RSPO4: variants seen among roughly 807,000 people sequenced by gnomAD.
The protein encoded by RSPO4 is R-spondin 4, also known as R-spondin-4.
A neutral mutation model predicts 24.8 loss-of-function variants in RSPO4; 23 were observed. The ratio of observed to expected loss-of-function variants is 0.93; its 90% confidence interval spans 0.67 to 1.31. RSPO4 has a LOEUF of 1.31. RSPO4 is among the 40% of genes most tolerant of loss of function. The pLI, the probability that RSPO4 is intolerant of heterozygous loss-of-function variation, is 0.00. For synonymous variants in RSPO4, 141 were observed against 127.4 expected, an observed-to-expected ratio of 1.11 and a Z score of -0.72; for missense variants, 333 against 316.5, an observed-to-expected ratio of 1.05 and a Z score of -0.39.
intron 3 of RSPO4, among the ~76,000 whole-genome samples, chr20:964,868 C>T (rs1303231601): frequency 6.7e-6 from 1 of 148,298 alleles, no homozygotes; most frequent in Non-Finnish European, 1.5e-5. Flanking sequence ...TTTTAAAAGT[C>T]CATGAGAAGT....
intron 4 of RSPO4, 130 bp downstream of exon 4, chr20:963,805 C>T: frequency 2.1e-6 from 2 of 940,442 alleles, no homozygotes; most frequent in Admixed American, 1.9e-5. Flanking sequence ...GTGTACTCCA[C>T]ATGATAGTAT....
At chr20:973,751 GC>G (rs1984481564) in intron 1 of RSPO4, among the ~76,000 whole-genome samples, 3 of 152,258 alleles carry the variant, frequency 2.0e-5, no homozygotes, top group Admixed American at 2.0e-4. Context: ...AACCCAACAA[GC>G]CCCTCCCAGG....
At chr20:977,500 C>T (rs553747208) in intron 1 of RSPO4, among the ~76,000 whole-genome samples, 2 of 152,280 alleles carry the variant, frequency 1.3e-5, no homozygotes, top group East Asian at 3.9e-4. Flanking sequence ...AAGCGGGTCT[C>T]CATGACATCA....
chr20:968,030 A>T lies in RSPO4; in HGVS notation c.188T>A (p.Ile63Asn). The part of the protein sequence containing the change: ...RLFLFIRREG[I>N]RQYGKCLHDC... ...GTGCAGGCACTTGCCGTACTGGCGG[A>T]TGCCTTCCCGGCGGATGAACAGGAA... is the stretch of plus-strand genomic sequence containing the variant. Residue 63 changes from isoleucine (I) to asparagine (N), a missense_variant, in exon 2 of 5, where the codon ATC becomes AAC. By Grantham distance (149) the Ile-to-Asn change is moderately radical. Coordinates refer to ENST00000217260, the MANE Select transcript of RSPO4 (RefSeq NM_001029871.4). 1.9e-6 allele frequency: 3 copies of T among 1,614,220 alleles called. No homozygotes were observed. The highest frequency in any genetic ancestry group is 2.5e-6 in the Non-Finnish European group (3 of 1,180,020).
Position 963,986 on chromosome 20 carries a change from G to A in RSPO4, c.544C>T (p.Gln182Ter), listed in dbSNP as rs777047218. 6.2e-6 allele frequency: 10 copies of A among 1,613,898 alleles called. No individual in the cohort carries two copies. Among genetic ancestry groups the A allele is most frequent in the Non-Finnish European group, 7.6e-6 (9 of 1,180,056 alleles). The change falls in exon 4 of 5, where the codon CAG becomes TAG. Residue 182 changes from glutamine to a stop codon, truncating the protein, a stop_gained. Coordinates refer to ENST00000217260, the MANE Select transcript of RSPO4 (RefSeq NM_001029871.4). LOFTEE classifies it high-confidence loss of function. The part of the protein sequence containing the change: ...RAGHEEAATC[Q>*]VLSESRKCPI... ...CATTTCCTTGACTCAGAAAGCACCT[G>A]GCAGGTGGCTGCCTCCTCATGCCCA... is the stretch of plus-strand genomic sequence containing the variant.
At chr20:989,820 T>C (rs1210712816) in intron 1 of RSPO4, among the ~76,000 whole-genome samples, 2 of 152,192 alleles carry the variant, frequency 1.3e-5, no homozygotes, top group Non-Finnish European at 1.5e-5. Flanking sequence ...AGCTACAGGC[T>C]GTCCTACCCC....
Position 960,539 on chromosome 20 carries a change from GA to G in RSPO4, c.596-74del, listed in dbSNP as rs11350888. The G allele has an allele frequency of 3.0e-3, 3,412 of 1,143,172 alleles. 76 individuals carry two copies. In the African/African-American group the frequency reaches 0.045, roughly 15 times the overall value. The allele number at this position is 1,143,172 out of a possible 1,614,324, so 70.8% of individuals were successfully genotyped here. A position where few individuals can be genotyped will look rare whatever the true frequency, so the allele number is the denominator to read the frequency against. On this transcript the variant is annotated intron_variant, in intron 4 of 4. Transcript: ENST00000217260. Reference sequence around the variant, plus strand: ...AGGTCCTGGGAGCCTCCTCAGTCCTGAAAGACAAGGGTGCCCCACCCACTCC... The same window carrying G: ...AGGTCCTGGGAGCCTCCTCAGTCCTGAAGACAAGGGTGCCCCACCCACTCC...
intron 1 of RSPO4, among the ~76,000 whole-genome samples, chr20:977,662 G>A (rs1984606671): frequency 6.6e-6 from 1 of 152,128 alleles, no homozygotes; most frequent in African/African-American, 2.4e-5. Flanking sequence ...CCTGGGAAGT[G>A]TGTCTTGCAT....
chr20:989,176 C>T lies in RSPO4; in HGVS notation c.79+12910G>A, dbSNP rs114335283. ...TAGTAGAGTCACCTATTCTCACAAC[C>T]GTGACATTCCACCCAGTCCAGGCTC... is the stretch of plus-strand genomic sequence containing the variant. On this transcript the variant is annotated intron_variant, in intron 1 of 4. Transcript: ENST00000217260. Among the ~76,000 whole-genome samples the T allele has an allele frequency of 6.8e-3, 1,032 of 152,146 alleles. 12 individuals carry two copies. Among genetic ancestry groups the T allele is most frequent in the African/African-American group, 0.023 (971 of 41,504 alleles).
chr20:989,746 A>T lies in RSPO4; in HGVS notation c.79+12340T>A, dbSNP rs147569783. ...TGGGCCTCAGTTTCCTCATCCGCGA[A>T]GTGGAAACCATAACCCTTCTTACCC... On this transcript the variant is annotated intron_variant, in intron 1 of 4. Transcript: ENST00000217260. 4.5e-3 allele frequency among the ~76,000 whole-genome samples: 686 copies of T among 152,336 alleles called. 4 individuals carry two copies. The highest frequency in any genetic ancestry group is 0.016 in the African/African-American group (656 of 41,578).
intron 4 of RSPO4, among the ~76,000 whole-genome samples, chr20:961,191 G>A (rs1363860444): frequency 1.3e-5 from 2 of 152,136 alleles, no homozygotes; most frequent in Non-Finnish European, 2.9e-5. Context: ...CATTGTTATG[G>A]ACAGGTGAGA....
At chr20:966,761 G>A (rs372911672) in intron 3 of RSPO4, among the ~76,000 whole-genome samples, 5 of 152,144 alleles carry the variant, frequency 3.3e-5, no homozygotes, top group Non-Finnish European at 5.9e-5. Context: ...AGGCTGAGGC[G>A]GGAGGATTCT....
chr20:971,193 G>A (rs892177846), intron 1 of RSPO4, among the ~76,000 whole-genome samples: 2 of 152,196 alleles, frequency 1.3e-5, no homozygotes, highest in Admixed American at 6.5e-5. Flanking sequence ...ACCCTAGAGC[G>A]GCAGTTCTCA....
intron 1 of RSPO4, among the ~76,000 whole-genome samples, chr20:980,082 C>T (rs1015878216): frequency 6.6e-6 from 1 of 152,142 alleles, no homozygotes; most frequent in African/African-American, 2.4e-5. Flanking sequence ...CATAGAGGGG[C>T]TGCAAAACTC....
rs909920170 is a variant in RSPO4, at chr20:981,109, G to A, written c.80-12971C>T. On this transcript the variant is annotated intron_variant, in intron 1 of 4. Coordinates refer to ENST00000217260, the MANE Select transcript of RSPO4 (RefSeq NM_001029871.4). This position sits in a 1 kb window ranked among gnomAD's most constrained non-coding sequence, Gnocchi z 4.6. Reference sequence around the variant, plus strand: ...AAGGCTCAAAGACCAACAATTATAGGTGGTGGCATTAGATTTAAACCCACA... The same window carrying A: ...AAGGCTCAAAGACCAACAATTATAGATGGTGGCATTAGATTTAAACCCACA... Among the ~76,000 whole-genome samples, 11 of 152,138 alleles carry A rather than the reference G, an allele frequency of 7.2e-5. No homozygotes were observed. Among genetic ancestry groups the A allele is most frequent in the African/African-American group, 2.7e-4 (11 of 41,438 alleles).
Position 959,808 on chromosome 20 carries a change from G to T in RSPO4, c.*549C>A. The T allele has an allele frequency of 6.4e-6, 1 of 156,346 alleles. No homozygotes were observed. The highest frequency in any genetic ancestry group is 6.2e-5 in the Admixed American group (1 of 16,068). 9.7% of individuals were successfully genotyped at this position (156,346 alleles called of 1,614,324 possible). ...CTGTCCAGAGAACCAGGTGCTCACAGCTCAGGGTCCTGGAGCCTCCCCCAG... is the reference window on the plus strand; with the variant it reads ...CTGTCCAGAGAACCAGGTGCTCACATCTCAGGGTCCTGGAGCCTCCCCCAG... On this transcript the variant is annotated 3_prime_UTR_variant, in exon 5 of 5. Transcript: ENST00000217260.
At chr20:991,961 A>G (rs966185649) in intron 1 of RSPO4, among the ~76,000 whole-genome samples, 1 of 152,140 alleles carries the variant, frequency 6.6e-6, no homozygotes, top group Admixed American at 6.5e-5. Flanking sequence ...TGAATTAAGG[A>G]GTCCGATTGG....
In RSPO4 at chr20:981,787, G is replaced by C. The variant is rs114435867; in HGVS notation, c.80-13649C>G. The stretch of plus-strand genomic sequence containing the variant: ...GCCTGTCCCCACATTAAAGCATAGA[G>C]AAGGCCTGAGCCCCTGCCCTATGCT... On this transcript the variant is annotated intron_variant, in intron 1 of 4. Transcript: ENST00000217260. This position sits in a 1 kb window ranked among gnomAD's most constrained non-coding sequence, Gnocchi z 4.6. 0.021 allele frequency among the ~76,000 whole-genome samples: 3,121 copies of C among 152,240 alleles called. 107 individuals carry two copies. Among genetic ancestry groups the C allele is most frequent in the African/African-American group, 0.071 (2,957 of 41,538 alleles).
chr20:968,016 T>C lies in RSPO4; in HGVS notation c.202A>G (p.Lys68Glu), dbSNP rs758348841. ...CCAGGGGGACAGTCGTGCAGGCACT[T>C]GCCGTACTGGCGGATGCCTTCCCGG... ...IRREGIRQYG[K>E]CLHDCPPGYF... The change falls in exon 2 of 5, where the codon AAG (lysine) becomes GAG (glutamate). Residue 68 changes from lysine (K) to glutamate (E), a missense_variant. Physicochemically the swap from Lys to Glu is moderately conservative, Grantham distance 56. Transcript: ENST00000217260. The C allele has an allele frequency of 1.2e-5, 20 of 1,614,226 alleles. No individual in the cohort carries two copies. The South Asian group carries it at 2.1e-4, about 17-fold the overall frequency.
Sources: allele counts gnomAD v4.1 joint callset (sites outside exome capture counted in the v4.1 genomes callset), GRCh38; gene constraint gnomAD v4.1.1; non-coding constraint Gnocchi (gnomAD v3.1); transcripts MANE v1.5; gene names NCBI Gene and HGNC (gene_info 2026-07-23, HGNC 2026-07-21).